Variants in MALRD1 observed in about 807,000 individuals in gnomAD.
MALRD1 encodes MAM and LDL-receptor class A domain-containing protein 1.
MALRD1 carries 247 observed loss-of-function variants against 242.1 expected under a neutral mutation model. That is an observed-to-expected ratio of 1.02 (90% CI 0.92 to 1.13). MALRD1 has a LOEUF of 1.13. Ranked by LOEUF, MALRD1 falls within the 50% of genes most tolerant of loss-of-function variation. MALRD1 has a pLI of 0.00. For missense variants in MALRD1, 2,989 were observed against 2,533.1 expected (o/e 1.18, Z -3.86); for synonymous variants, 995 against 866.6 (o/e 1.15, Z -2.60).
In MALRD1 at chr10:19,051,775, A is replaced by G. The variant is rs151192694; in HGVS notation, c.199+2638A>G. ...GTCTCTATTAAAAATACAAAAAATT[A>G]TCAGGGTGTGGTGGCAGGTGCCTGT... On this transcript the variant is annotated intron_variant, in intron 1 of 39. Transcript: ENST00000454679. 5.1e-3 allele frequency: 795 copies of G among 157,072 alleles called. 10 individuals carry two copies. The highest frequency in any genetic ancestry group is 0.018 in the African/African-American group (744 of 41,550). The allele number at this position is 157,072 out of a possible 1,614,324, so 9.7% of individuals were successfully genotyped here.
Position 19,731,004 on chromosome 10 carries a change from G to C in MALRD1, c.6390+223G>C, listed in dbSNP as rs537837154. 9.2e-5 allele frequency among the ~76,000 whole-genome samples: 14 copies of C among 152,284 alleles called. No homozygotes were observed. The East Asian group carries it at 2.5e-3, about 27-fold the overall frequency. On this transcript the variant is annotated intron_variant, in intron 39 of 39. Coordinates refer to ENST00000454679, the MANE Select transcript of MALRD1 (RefSeq NM_001142308.3). ...CAGGACAGTTTCAGTCTGCTTGTAA[G>C]ATCACTTCACTGTTAAATGGTGTTG... is the stretch of plus-strand genomic sequence containing the variant.
intron 30 of MALRD1, among the ~76,000 whole-genome samples, chr10:19,496,111 CA>C (rs1837707931): frequency 6.6e-6 from 1 of 152,070 alleles, no homozygotes. Flanking sequence ...GACTCCCAAA[CA>C]ATAATAGTGG....
At chr10:19,292,683 G>A (rs1222010714) in intron 21 of MALRD1, among the ~76,000 whole-genome samples, 1 of 151,988 alleles carries the variant, frequency 6.6e-6, no homozygotes, top group Non-Finnish European at 1.5e-5. Context: ...ACGAGGTCAG[G>A]AGATCGAGAC....
At chr10:19,730,472 G>T in intron 38 of MALRD1, 1 of 553,084 alleles carries the variant, frequency 1.8e-6, no homozygotes, top group Non-Finnish European at 3.2e-6. Flanking sequence ...GAGTTTATTT[G>T]GATCTAAACA....
intron 32 of MALRD1, among the ~76,000 whole-genome samples, chr10:19,560,306 A>C (rs1052621482): frequency 2.6e-5 from 4 of 152,106 alleles, no homozygotes; most frequent in African/African-American, 9.7e-5. Context: ...GTCTCTACTA[A>C]AAATACAAAA....
intron 26 of MALRD1, 66 bp from the exon 27 acceptor site, chr10:19,387,462 C>T: frequency 1.3e-6 from 2 of 1,486,216 alleles, no homozygotes; most frequent in South Asian, 1.4e-5. Flanking sequence ...ACTCTTACTG[C>T]TTTTTGACCT....
At chr10:19,424,412 A>G (rs904207203) in intron 28 of MALRD1, among the ~76,000 whole-genome samples, 3 of 152,180 alleles carry the variant, frequency 2.0e-5, no homozygotes, top group African/African-American at 7.2e-5. Flanking sequence ...CACCTGCCTC[A>G]GCCTCCCAAA....
intron 38 of MALRD1, among the ~76,000 whole-genome samples, chr10:19,713,161 A>T (rs1309809387): frequency 9.0e-6 from 1 of 110,824 alleles, no homozygotes; most frequent in African/African-American, 4.1e-5. Flanking sequence ...CTACTCCTTA[A>T]AGCCACACAT....
intron 4 of MALRD1, among the ~76,000 whole-genome samples, chr10:19,102,713 T>A (rs1836311386): frequency 6.6e-6 from 1 of 152,196 alleles, no homozygotes; most frequent in African/African-American, 2.4e-5. Context: ...GCCATCAACA[T>A]GCCAATTTTC....
chr10:19,214,705 T>G (rs1012437007), intron 18 of MALRD1, among the ~76,000 whole-genome samples: 13 of 152,202 alleles, frequency 8.5e-5, no homozygotes, highest in Non-Finnish European at 5.9e-5. Flanking sequence ...CAGTCTCTTA[T>G]ACATTATTAA....
chr10:19,662,150 G>T (rs1841472032), intron 36 of MALRD1, among the ~76,000 whole-genome samples: 1 of 152,044 alleles, frequency 6.6e-6, no homozygotes, highest in African/African-American at 2.4e-5. Context: ...AAAAATAATT[G>T]AATAAGACTG....
intron 36 of MALRD1, among the ~76,000 whole-genome samples, chr10:19,622,323 C>G (rs1184558205): frequency 6.6e-6 from 1 of 151,540 alleles, no homozygotes; most frequent in Non-Finnish European, 1.5e-5. Context: ...TAATAGTCTA[C>G]ATACATAGAC....
rs118185610 is a variant in MALRD1, at chr10:19,154,306, G to A, written c.1559-769G>A. Among the ~76,000 whole-genome samples the A allele has an allele frequency of 2.5e-3, 387 of 152,238 alleles. 1 individual carries two copies. Among genetic ancestry groups the A allele is most frequent in the Non-Finnish European group, 4.8e-3 (326 of 68,014 alleles). On this transcript the variant is annotated intron_variant, in intron 11 of 39. Transcript: ENST00000454679. ...AAATCCTTTCCTTTGTGTGCAGTCG[G>A]CATTGACTTGTATCTAGGAAAATCA...
chr10:19,101,508 A>G (rs1836252893), intron 4 of MALRD1, among the ~76,000 whole-genome samples: 1 of 136,582 alleles, frequency 7.3e-6, no homozygotes, highest in Non-Finnish European at 1.5e-5. Flanking sequence ...TAGCATATGT[A>G]TATCATTATA....
chr10:19,286,516 G>T (rs1841128155), intron 21 of MALRD1, among the ~76,000 whole-genome samples: 1 of 152,120 alleles, frequency 6.6e-6, no homozygotes, highest in South Asian at 2.1e-4. Flanking sequence ...ATAATCATGT[G>T]GTTTTTGTCT....
intron 12 of MALRD1, among the ~76,000 whole-genome samples, chr10:19,164,824 C>G (rs1031031961): frequency 1.3e-5 from 2 of 151,848 alleles, no homozygotes; most frequent in Non-Finnish European, 1.5e-5. Flanking sequence ...GCCATCAAAC[C>G]TTTAGATTGT....
At chr10:19,611,700 C>T (rs1235599441) in intron 35 of MALRD1, among the ~76,000 whole-genome samples, 6 of 151,950 alleles carry the variant, frequency 3.9e-5, no homozygotes, top group South Asian at 2.1e-4. Flanking sequence ...TAGCCATATC[C>T]GTCTCCTTCC....
At chr10:19,414,965 A>G (rs1177578940) in intron 28 of MALRD1, among the ~76,000 whole-genome samples, 1 of 152,226 alleles carries the variant, frequency 6.6e-6, no homozygotes, top group African/African-American at 2.4e-5. Flanking sequence ...AATCATCTGC[A>G]TACCTTCTAC....
At position 19,285,324 on chromosome 10, in the gene MALRD1, G is replaced by C. The variant is rs1323323230; in HGVS notation, c.3419+2143G>C. On this transcript the variant is annotated intron_variant, in intron 21 of 39. Coordinates refer to ENST00000454679, the MANE Select transcript of MALRD1 (RefSeq NM_001142308.3). ...TTGGTGTTTTGGACATGAAGTCCTT[G>C]CCCACGCCTATATCCTGAATGGTAA... is the stretch of plus-strand genomic sequence containing the variant. 9.1e-3 allele frequency among the ~76,000 whole-genome samples: 1,264 copies of C among 138,730 alleles called. 64 individuals are homozygous for C. Among genetic ancestry groups the C allele is most frequent in the African/African-American group, 0.033 (1,184 of 36,256 alleles). 91.0% of individuals were successfully genotyped at this position (138,730 alleles called of 152,430 possible).
Sources: allele counts gnomAD v4.1 joint callset (sites outside exome capture counted in the v4.1 genomes callset), GRCh38; gene constraint gnomAD v4.1.1; transcripts MANE v1.5; gene names NCBI Gene and HGNC (gene_info 2026-07-23, HGNC 2026-07-21).